SLC4A4: variants seen among roughly 807,000 people sequenced by gnomAD.
SLC4A4 encodes electrogenic sodium bicarbonate cotransporter 1.
SLC4A4 carries 27 observed loss-of-function variants against 111.5 expected under a neutral mutation model. That is an observed-to-expected ratio of 0.24 (90% CI 0.18 to 0.33). The LOEUF is 0.33. Among genes scored for constraint, SLC4A4 ranks in the 10% least tolerant of loss-of-function variants. The pLI, the probability that SLC4A4 is intolerant of heterozygous loss-of-function variation, is 1.00. For synonymous variants in SLC4A4, 443 were observed against 463.4 expected (o/e 0.96, Z 0.57); for missense variants, 909 against 1,315.5 (o/e 0.69, Z 4.78).
rs561342563 is a variant in SLC4A4 at position 71,134,090 on chromosome 4, AT to A, written c.-2+41302del. Among the ~76,000 whole-genome samples, 12 of 152,260 alleles carry A rather than the reference AT, an allele frequency of 7.9e-5. No individual in the cohort carries two copies. In the South Asian group the frequency reaches 1.7e-3, roughly 21 times the overall value. On this transcript the variant is annotated intron_variant, in intron 2 of 26. Coordinates refer to the SLC4A4 transcript ENST00000649996. The stretch of plus-strand genomic sequence containing the variant: ...CATGAATCATCTTACCCCAAAGTTG[AT>A]TTTACCTGAAAATAAAGATTTTCAA...
chr4:71,509,117 C>T (rs1731678439), intron 16 of SLC4A4, among the ~76,000 whole-genome samples: 1 of 152,174 alleles, frequency 6.6e-6, no homozygotes, highest in Admixed American at 6.5e-5. Context: ...ATAATGACAG[C>T]CATGTATGAC....
chr4:71,224,384 G>A (rs979543002), intron 1 of SLC4A4, among the ~76,000 whole-genome samples: 23 of 152,184 alleles, frequency 1.5e-4, no homozygotes, highest in African/African-American at 5.6e-4. Flanking sequence ...CTAAAAAGAG[G>A]CAGCTTGACA....
At chr4:71,457,185 A>G (rs934426564) in intron 12 of SLC4A4, among the ~76,000 whole-genome samples, 4 of 152,176 alleles carry the variant, frequency 2.6e-5, no homozygotes, top group Admixed American at 6.6e-5. Flanking sequence ...GTTAGAGCAT[A>G]TATATACACA....
rs138419930 is a variant in SLC4A4 at position 71,079,429 on chromosome 4, A to G, written c.-64-13301A>G. Among the ~76,000 whole-genome samples, 1,325 of 152,292 alleles carry G rather than the reference A, an allele frequency of 8.7e-3. 21 individuals carry two copies. The highest frequency in any genetic ancestry group is 0.03 in the African/African-American group (1,251 of 41,568). On this transcript the variant is annotated intron_variant, in intron 1 of 26. Transcript: ENST00000649996. ...AAAATCCTAGTCAGAATGATCTCCA[A>G]GTATCATCAAACCTTCAAGTACTAT... is the stretch of plus-strand genomic sequence containing the variant.
intron 1 of SLC4A4, among the ~76,000 whole-genome samples, chr4:71,066,149 C>G (rs557372100): frequency 6.6e-6 from 1 of 152,126 alleles, no homozygotes; most frequent in Non-Finnish European, 1.5e-5. Context: ...AATATTTAAT[C>G]TTTGCAACAG....
intron 3 of SLC4A4, among the ~76,000 whole-genome samples, chr4:71,338,518 T>C (rs1263201754): frequency 6.6e-6 from 1 of 151,902 alleles, no homozygotes; most frequent in East Asian, 1.9e-4. Flanking sequence ...CTCTCTCTCT[T>C]TCTTTTCTTC....
intron 3 of SLC4A4, among the ~76,000 whole-genome samples, chr4:71,262,290 A>G (rs575341237): frequency 2.0e-5 from 3 of 152,262 alleles, no homozygotes; most frequent in East Asian, 3.9e-4. Context: ...ATGAGTGTGA[A>G]CTCATAAATG....
chr4:71,106,879 T>A (rs987810853), intron 2 of SLC4A4, among the ~76,000 whole-genome samples: 1 of 149,662 alleles, frequency 6.7e-6, no homozygotes, highest in African/African-American at 2.5e-5. Context: ...CATATGTAAC[T>A]AACCTGCACA....
intron 3 of SLC4A4, among the ~76,000 whole-genome samples, chr4:71,296,156 A>G (rs902546323): frequency 4.6e-5 from 7 of 151,984 alleles, no homozygotes. Flanking sequence ...CAAATAAAAT[A>G]TGACTGTGTT....
At chr4:71,362,737 G>A (rs559627769) in intron 6 of SLC4A4, among the ~76,000 whole-genome samples, 4 of 152,114 alleles carry the variant, frequency 2.6e-5, no homozygotes, top group Non-Finnish European at 5.9e-5. Flanking sequence ...TGGGTGTCAG[G>A]GGGGGTCCTA....
intron 6 of SLC4A4, among the ~76,000 whole-genome samples, chr4:71,392,372 G>T (rs1719370564): frequency 6.6e-6 from 1 of 152,074 alleles, no homozygotes; most frequent in Non-Finnish European, 1.5e-5. Flanking sequence ...GGGAGGGCAA[G>T]ATTATTAGAA....
chr4:71,199,506 C>CT (rs1445044453), intron 1 of SLC4A4, among the ~76,000 whole-genome samples: 1 of 152,052 alleles, frequency 6.6e-6, no homozygotes, highest in Non-Finnish European at 1.5e-5. Context: ...TCTTGGATAG[C>CT]TTTTTTAAAT....
At chr4:71,178,265 C>A (rs904421048) in intron 2 of SLC4A4, among the ~76,000 whole-genome samples, 1 of 150,668 alleles carries the variant, frequency 6.6e-6, no homozygotes, top group African/African-American at 2.4e-5. Context: ...TGCACATGTA[C>A]CCTAAAACTT....
At chr4:71,536,824 T>C (rs1734546419) in intron 18 of SLC4A4, among the ~76,000 whole-genome samples, 1 of 151,824 alleles carries the variant, frequency 6.6e-6, no homozygotes, top group South Asian at 2.1e-4. Flanking sequence ...TCTTCTGTGC[T>C]TCCTTTAAAT....
intron 20 of SLC4A4, among the ~76,000 whole-genome samples, chr4:71,553,273 A>T (rs1195528116): frequency 6.6e-6 from 1 of 151,892 alleles, no homozygotes; most frequent in African/African-American, 2.4e-5. Context: ...TATGTTACTG[A>T]TACCTTCTGA....
At chr4:71,315,337 T>G (rs2247455) in intron 3 of SLC4A4, among the ~76,000 whole-genome samples, 58,700 of 152,016 alleles carry the variant, frequency 0.39, 13,909 homozygotes, top group South Asian at 0.63. Flanking sequence ...ACTATATAAT[T>G]ACTTTGGCTT....
intron 2 of SLC4A4, among the ~76,000 whole-genome samples, chr4:71,242,772 T>C (rs2149045056): frequency 6.6e-6 from 1 of 152,036 alleles, no homozygotes; most frequent in African/African-American, 2.4e-5. Flanking sequence ...TATATAATTT[T>C]CTTTGGTTAT....
chr4:71,320,316 C>G (rs962452363), intron 3 of SLC4A4, among the ~76,000 whole-genome samples: 22 of 152,004 alleles, frequency 1.4e-4, no homozygotes, highest in Admixed American at 7.2e-4. Flanking sequence ...ACAGCGTGAC[C>G]TCAAGTCTTC....
At position 71,147,006 on chromosome 4, in the gene SLC4A4, G is replaced by A. The variant is rs563309454; in HGVS notation, c.-2+54214G>A. Among the ~76,000 whole-genome samples, 5 of 152,220 alleles carry A rather than the reference G, an allele frequency of 3.3e-5. No individual in the cohort carries two copies. In the South Asian group the frequency reaches 1.0e-3, roughly 32 times the overall value. ...ATTCAGGAAACCCATCTCACATGCA[G>A]AGACACACATAGGCTCAAAATAAAG... On this transcript the variant is annotated intron_variant, in intron 2 of 26. Transcript: ENST00000649996.
Sources: allele counts gnomAD v4.1 joint callset (sites outside exome capture counted in the v4.1 genomes callset), GRCh38; gene constraint gnomAD v4.1.1; transcripts MANE v1.5; gene names NCBI Gene and HGNC (gene_info 2026-07-23, HGNC 2026-07-21).